The following LYPD6B variants were observed in gnomAD, a reference collection of about 807,000 sequenced individuals.
LYPD6B encodes the protein ly6/PLAUR domain-containing protein 6B.
LYPD6B carries 17 observed loss-of-function variants against 22.8 expected under a neutral mutation model. That is an observed-to-expected ratio of 0.75 (90% CI 0.51 to 1.12). LYPD6B has a LOEUF of 1.12. LYPD6B is among the 50% of genes most tolerant of loss of function. LYPD6B has a pLI of 0.00. For missense variants in LYPD6B, 221 were observed against 258.3 expected (o/e 0.86, Z 0.99); for synonymous variants, 106 against 91.6 (o/e 1.16, Z -0.90).
intron 1 of LYPD6B, among the ~76,000 whole-genome samples, chr2:149,039,099 G>T (rs956685993): frequency 6.6e-6 from 1 of 152,134 alleles, no homozygotes; most frequent in African/African-American, 2.4e-5. Context: ...ATCGTCCAGA[G>T]CCCTGCGGGG....
intron 1 of LYPD6B, among the ~76,000 whole-genome samples, chr2:149,058,134 G>A (rs1683895434): frequency 6.6e-6 from 1 of 152,168 alleles, no homozygotes; most frequent in Non-Finnish European, 1.5e-5. Context: ...GAGTTGCCTT[G>A]GCCCTCTGAA....
At chr2:149,210,858 T>A (rs1423728649) in intron 5 of LYPD6B, among the ~76,000 whole-genome samples, 2 of 152,200 alleles carry the variant, frequency 1.3e-5, no homozygotes, top group Non-Finnish European at 2.9e-5. Flanking sequence ...GCTACTCTTG[T>A]AGGACACTCT....
intron 3 of LYPD6B, among the ~76,000 whole-genome samples, chr2:149,198,683 C>A (rs980224658): frequency 6.6e-6 from 1 of 152,152 alleles, no homozygotes; most frequent in Non-Finnish European, 1.5e-5. Flanking sequence ...AAGCTTCTGT[C>A]TTTGGCATTG....
intron 1 of LYPD6B, among the ~76,000 whole-genome samples, chr2:149,051,290 G>A (rs895084039): frequency 2.0e-5 from 3 of 151,704 alleles, no homozygotes; most frequent in African/African-American, 4.8e-5. Context: ...TCAGCTTCCC[G>A]AATAGCTGGG....
At chr2:149,103,429 G>A (rs1229623556) in intron 1 of LYPD6B, among the ~76,000 whole-genome samples, 2 of 152,104 alleles carry the variant, frequency 1.3e-5, no homozygotes, top group Admixed American at 1.3e-4. Flanking sequence ...ATTTAGGTTG[G>A]CAAAGGGCAC....
chr2:149,160,058 AT>A (rs1197617900), intron 2 of LYPD6B, among the ~76,000 whole-genome samples: 1 of 152,024 alleles, frequency 6.6e-6, no homozygotes, highest in Non-Finnish European at 1.5e-5. Context: ...AGAGGCTAAG[AT>A]GGGAGGATCG....
intron 1 of LYPD6B, among the ~76,000 whole-genome samples, chr2:149,074,421 C>T (rs566009821): frequency 1.3e-5 from 2 of 152,290 alleles, no homozygotes; most frequent in South Asian, 2.1e-4. Context: ...CCTGATTCTC[C>T]AACCTACAGA....
intron 3 of LYPD6B, among the ~76,000 whole-genome samples, chr2:149,163,817 G>A (rs1454977690): frequency 6.6e-6 from 1 of 152,064 alleles, no homozygotes; most frequent in Non-Finnish European, 1.5e-5. Flanking sequence ...CTAACCTGGG[G>A]GGTCAACAAT....
intron 3 of LYPD6B, among the ~76,000 whole-genome samples, chr2:149,203,955 C>G (rs887124798): frequency 6.6e-6 from 1 of 152,188 alleles, no homozygotes; most frequent in South Asian, 2.1e-4. Context: ...TGGGTTCAAA[C>G]AAAACGTGCA....
At chr2:149,176,462 G>A (rs534943466) in intron 3 of LYPD6B, among the ~76,000 whole-genome samples, 2 of 152,260 alleles carry the variant, frequency 1.3e-5, no homozygotes, top group Non-Finnish European at 2.9e-5. Flanking sequence ...ATAAGGAGTC[G>A]ATCATTAGTT....
chr2:149,123,154 G>A (rs1430579378), intron 1 of LYPD6B, among the ~76,000 whole-genome samples: 1 of 152,210 alleles, frequency 6.6e-6, no homozygotes, highest in East Asian at 1.9e-4. Flanking sequence ...TGCTTGCTGA[G>A]CTCCAGAGAA....
intron 3 of LYPD6B, chr2:149,204,681 C>T (rs1187857238): frequency 6.5e-6 from 1 of 154,356 alleles, no homozygotes; most frequent in East Asian, 1.9e-4. Flanking sequence ...ACTCTTGTCT[C>T]TCTTCTCAAT....
chr2:149,180,341 T>A (rs1691621902), intron 3 of LYPD6B, among the ~76,000 whole-genome samples: 1 of 152,200 alleles, frequency 6.6e-6, no homozygotes, highest in East Asian at 1.9e-4. Flanking sequence ...CTGGATTTAA[T>A]GATTCCCTGC....
chr2:149,119,028 G>A (rs1164910257), intron 1 of LYPD6B: 1 of 152,208 alleles, frequency 6.6e-6, no homozygotes, highest in African/African-American at 2.4e-5. Context: ...TAAGGTGGCA[G>A]TGTTCTTAAT....
At chr2:149,209,318 C>G (rs985630813) in intron 5 of LYPD6B, among the ~76,000 whole-genome samples, 1 of 151,874 alleles carries the variant, frequency 6.6e-6, no homozygotes, top group Non-Finnish European at 1.5e-5. Flanking sequence ...CATCTTCAGA[C>G]AGAAGATGAG....
chr2:149,140,845 G>A (rs947015669), intron 2 of LYPD6B, among the ~76,000 whole-genome samples: 1 of 152,044 alleles, frequency 6.6e-6, no homozygotes, highest in Non-Finnish European at 1.5e-5. Flanking sequence ...ATCTTTGATC[G>A]TTCGTTAGGC....
chr2:149,042,503 C>G (rs193260126), intron 1 of LYPD6B, among the ~76,000 whole-genome samples: 1 of 152,246 alleles, frequency 6.6e-6, no homozygotes, highest in East Asian at 1.9e-4. Flanking sequence ...CTGTTTTCAG[C>G]AACAATACTG....
chr2:149,181,078 A>G (rs1478649070), intron 3 of LYPD6B, among the ~76,000 whole-genome samples: 3 of 152,124 alleles, frequency 2.0e-5, no homozygotes, highest in Non-Finnish European at 4.4e-5. Context: ...AATCAAATCT[A>G]TTCTCATTTA....
At chr2:149,073,361 C>A (rs932946477) in intron 1 of LYPD6B, among the ~76,000 whole-genome samples, 1 of 152,140 alleles carries the variant, frequency 6.6e-6, no homozygotes, top group East Asian at 1.9e-4. Context: ...AGGCATGTGC[C>A]CTGAATGACA....
Sources: gnomAD v4.1 joint callset for allele counts (sites outside exome capture counted in the v4.1 genomes callset) on GRCh38, gnomAD v4.1.1 for gene constraint, MANE v1.5 for transcripts, NCBI Gene and HGNC (gene_info 2026-07-23, HGNC 2026-07-21) for gene names.